JAM3: variants seen among roughly 807,000 people sequenced by gnomAD.
JAM3 encodes the protein junctional adhesion molecule 3, also known as junctional adhesion molecule C.
In JAM3, 31 loss-of-function variants were observed where a neutral mutation model predicts 39.4. That is an observed-to-expected ratio of 0.79 (90% CI 0.59 to 1.06). The LOEUF is 1.06. Among genes scored for constraint, JAM3 ranks in the 50% least tolerant of loss-of-function variants. The pLI is 0.00. For missense variants in JAM3, 455 were observed against 391.4 expected, an observed-to-expected ratio of 1.16 and a Z score of -1.37; for synonymous variants, 182 against 148.7, an observed-to-expected ratio of 1.22 and a Z score of -1.63.
intron 1 of JAM3, among the ~76,000 whole-genome samples, chr11:134,134,805 A>T (rs186133736): frequency 6.6e-6 from 1 of 152,186 alleles, no homozygotes; most frequent in Non-Finnish European, 1.5e-5. Context: ...CTTTGGAGGC[A>T]TGTCTATTTG....
chr11:134,101,325 T>A (rs191314505), intron 1 of JAM3, among the ~76,000 whole-genome samples: 11 of 152,364 alleles, frequency 7.2e-5, no homozygotes, highest in Admixed American at 6.5e-4. Context: ...TGGGAAACAC[T>A]GAATCTTTTC....
At chr11:134,124,100 C>A (rs984507279) in intron 1 of JAM3, 3 of 1,483,762 alleles carry the variant, frequency 2.0e-6, no homozygotes, top group Admixed American at 1.7e-5. Context: ...CATCTACTAT[C>A]TGATTAGGGG....
intron 1 of JAM3, among the ~76,000 whole-genome samples, chr11:134,111,766 A>G (rs1297895484): frequency 1.3e-5 from 2 of 152,236 alleles, no homozygotes; most frequent in Non-Finnish European, 2.9e-5. Flanking sequence ...TATAAACAAT[A>G]AAAAGGGAAT....
intron 1 of JAM3, among the ~76,000 whole-genome samples, chr11:134,106,879 TGGTG>T (rs753702107): frequency 4.6e-5 from 7 of 152,092 alleles, no homozygotes; most frequent in Admixed American, 3.9e-4. Flanking sequence ...TTTACACTGT[TGGTG>T]GGACTGTAAA....
chr11:134,148,995 C>CA, intron 8 of JAM3, 151 bp from the exon 9 acceptor site: 1 of 976,950 alleles, frequency 1.0e-6, no homozygotes, highest in Non-Finnish European at 1.6e-6. Flanking sequence ...CACACACACA[C>CA]TAATGGGATT....
At chr11:134,071,245 C>T (rs533077683) in intron 1 of JAM3, among the ~76,000 whole-genome samples, 2 of 152,238 alleles carry the variant, frequency 1.3e-5, no homozygotes, top group South Asian at 4.1e-4. Context: ...TCTAAGAAGT[C>T]GTTACTATTG....
intron 1 of JAM3, among the ~76,000 whole-genome samples, chr11:134,104,849 TGAG>T (rs982788899): frequency 6.6e-6 from 1 of 152,208 alleles, no homozygotes; most frequent in Middle Eastern, 3.4e-3. Flanking sequence ...GCTCTGAAAT[TGAG>T]GCAATAATTA....
chr11:134,088,938 TGCCACCACGTTGG>T (rs1380121680), intron 1 of JAM3, among the ~76,000 whole-genome samples: 2 of 152,158 alleles, frequency 1.3e-5, no homozygotes, highest in Non-Finnish European at 2.9e-5. Context: ...TACAGGCACT[TGCCACCACGTTGG>T]GCAACATTTA....
At chr11:134,108,291 T>G (rs1942240143) in intron 1 of JAM3, among the ~76,000 whole-genome samples, 1 of 151,704 alleles carries the variant, frequency 6.6e-6, no homozygotes, top group Non-Finnish European at 1.5e-5. Flanking sequence ...TAATTTATAG[T>G]TAAAAAAAAA....
intron 1 of JAM3, among the ~76,000 whole-genome samples, chr11:134,128,914 G>A (rs1270174422): frequency 6.6e-6 from 1 of 152,042 alleles, no homozygotes; most frequent in Admixed American, 6.5e-5. Flanking sequence ...TTTACTAGGA[G>A]TTGCCTAACA....
intron 1 of JAM3, among the ~76,000 whole-genome samples, chr11:134,103,519 C>A (rs903989214): frequency 1.3e-5 from 2 of 152,152 alleles, no homozygotes; most frequent in African/African-American, 4.8e-5. Flanking sequence ...ACAATATTAA[C>A]CTTAAATGTA....
chr11:134,088,984 G>T (rs2120625572), intron 1 of JAM3, among the ~76,000 whole-genome samples: 1 of 152,312 alleles, frequency 6.6e-6, no homozygotes, highest in Non-Finnish European at 1.5e-5. Context: ...GGAATGGATG[G>T]TTTGGGAGGT....
At chr11:134,089,309 CT>C (rs1446090856) in intron 1 of JAM3, among the ~76,000 whole-genome samples, 15 of 151,888 alleles carry the variant, frequency 9.9e-5, no homozygotes, top group Admixed American at 9.2e-4. Flanking sequence ...CCTAGGTTTT[CT>C]TTTTCTTTTT....
intron 1 of JAM3, among the ~76,000 whole-genome samples, chr11:134,111,265 T>G (rs1225256462): frequency 6.8e-6 from 1 of 147,590 alleles, no homozygotes; most frequent in African/African-American, 2.5e-5. Context: ...TGCCTCAGCC[T>G]CCCAAGTAGC....
At position 134,148,812 on chromosome 11, in the gene JAM3, C is replaced by T. The variant is rs150992119; in HGVS notation, c.891C>T (p.Asp297=). ...KPDGVNYIRT[D]EEGDFRHKSS... ...ATGGAGTTAACTACATCCGCACTGA[C>T]GAGGAGGTAATCATTTAGTAAACCT... The change falls in exon 8 of 9, where the codon GAC becomes GAT. Residue 297 remains aspartate, a synonymous_variant. Transcript: ENST00000299106. The T allele has an allele frequency of 5.1e-5, 82 of 1,613,996 alleles. No individual in the cohort carries two copies. The African/African-American group carries it at 8.1e-4, about 16-fold the overall frequency.
chr11:134,083,548 T>C (rs1213906665), intron 1 of JAM3, among the ~76,000 whole-genome samples: 2 of 152,242 alleles, frequency 1.3e-5, no homozygotes, highest in East Asian at 3.8e-4. Context: ...TCACAGATTT[T>C]ACTCTGTGTG....
chr11:134,130,696 C>A (rs1184374420), intron 1 of JAM3, among the ~76,000 whole-genome samples: 1 of 152,230 alleles, frequency 6.6e-6, no homozygotes, highest in African/African-American at 2.4e-5. Flanking sequence ...CCTACCCTCT[C>A]CCTGGCATAG....
intron 1 of JAM3, among the ~76,000 whole-genome samples, chr11:134,094,029 T>C (rs1941927711): frequency 1.7e-5 from 2 of 115,362 alleles, no homozygotes; most frequent in Non-Finnish European, 1.9e-5. Context: ...CCACCTTACA[T>C]GTCACTTCCT....
intron 1 of JAM3, among the ~76,000 whole-genome samples, chr11:134,095,770 G>T (rs1317324128): frequency 6.6e-6 from 1 of 152,114 alleles, no homozygotes; most frequent in East Asian, 1.9e-4. Flanking sequence ...TTACTAAATA[G>T]GGGCTACTTT....
Sources: allele counts gnomAD v4.1 joint callset (sites outside exome capture counted in the v4.1 genomes callset), GRCh38; gene constraint gnomAD v4.1.1; transcripts MANE v1.5; gene names NCBI Gene and HGNC (gene_info 2026-07-23, HGNC 2026-07-21).